AGMO: variants seen among roughly 807,000 people sequenced by gnomAD.
AGMO encodes alkylglycerol monooxygenase, also known as glyceryl-ether monooxygenase.
In AGMO, 75 loss-of-function variants were observed where a neutral mutation model predicts 60.2. The ratio of observed to expected loss-of-function variants is 1.25; its 90% CI spans 1.03 to 1.51. The LOEUF (loss-of-function observed/expected upper bound fraction) is 1.51. AGMO is among the 40% of genes most tolerant of loss of function. The pLI is 0.00. For synonymous variants in AGMO, 261 were observed against 177.1 expected (o/e 1.47, Z -3.76); for missense variants, 763 against 525.5 (o/e 1.45, Z -4.42).
intron 3 of AGMO, among the ~76,000 whole-genome samples, chr7:15,542,809 C>A (rs1784667182): frequency 6.6e-6 from 1 of 152,042 alleles, no homozygotes; most frequent in South Asian, 2.1e-4. Flanking sequence ...AGGAACTGAC[C>A]TATTATGTGT....
intron 12 of AGMO, among the ~76,000 whole-genome samples, chr7:15,280,857 A>T (rs1783943965): frequency 6.6e-6 from 1 of 152,304 alleles, no homozygotes; most frequent in South Asian, 2.1e-4. Context: ...CCAACACACT[A>T]TGGCTATTTA....
At chr7:15,537,385 G>C (rs1784508812) in intron 3 of AGMO, among the ~76,000 whole-genome samples, 1 of 152,068 alleles carries the variant, frequency 6.6e-6, no homozygotes, top group Admixed American at 6.6e-5. Flanking sequence ...TGCAATGTAA[G>C]AGTTAAATAC....
chr7:15,420,436 T>C (rs916932584), intron 4 of AGMO, among the ~76,000 whole-genome samples: 2 of 152,040 alleles, frequency 1.3e-5, no homozygotes, highest in African/African-American at 4.8e-5. Context: ...AAAAATAAGC[T>C]CACTATGAAT....
chr7:15,292,205 C>G (rs1314620501), intron 12 of AGMO, among the ~76,000 whole-genome samples: 1 of 152,106 alleles, frequency 6.6e-6, no homozygotes, highest in Non-Finnish European at 1.5e-5. Context: ...GATTCTTCAT[C>G]TTGGCTAAAC....
chr7:15,290,928 A>C (rs963020360), intron 12 of AGMO, among the ~76,000 whole-genome samples: 36 of 152,318 alleles, frequency 2.4e-4, no homozygotes, highest in African/African-American at 7.2e-4. Context: ...TTAAGAAAAG[A>C]AAAGCTAGAA....
rs903237451 is a variant in AGMO at position 15,560,190 on chromosome 7, C to T, written c.208G>A (p.Asp70Asn). The change falls in exon 2 of 13, where the codon GAT becomes AAT. Residue 70 changes from aspartate to asparagine, a missense_variant. By Grantham distance (23) the Asp-to-Asn change is conservative (BLOSUM62 1). Transcript: ENST00000342526. ...GCTGAGATTGACGTTAAAGCATCAT[C>T]CAGGCGACCTGGTGGCTTTCCTTTG... ...ILKGKPPGRL[D>N]DALTSISAGV... is the part of the protein sequence containing the mutation. 2.5e-6 allele frequency: 4 copies of T among 1,613,070 alleles called. No homozygotes were observed. In the Admixed American group the frequency reaches 5.0e-5, roughly 20 times the overall value.
At chr7:15,546,843 G>C (rs998733414) in intron 2 of AGMO, among the ~76,000 whole-genome samples, 5 of 152,148 alleles carry the variant, frequency 3.3e-5, no homozygotes, top group African/African-American at 1.2e-4. Flanking sequence ...GTTCAGATGA[G>C]GGCTTCACAA....
chr7:15,555,270 C>CATAT lies in AGMO; in HGVS notation c.257+4867_257+4870dup, dbSNP rs375890408. Reference sequence around the variant, plus strand: ...TTACAAATAAATTAATGTATTGGATCATATATATATATATATATATATACA... The same window carrying CATAT: ...TTACAAATAAATTAATGTATTGGATCATATATATATATATATATATATATATACA... On this transcript the variant is annotated intron_variant, in intron 2 of 12. Coordinates refer to ENST00000342526, the MANE Select transcript of AGMO (RefSeq NM_001004320.2). Among the ~76,000 whole-genome samples, 308 of 113,900 alleles carry CATAT rather than the reference C, an allele frequency of 2.7e-3. 2 individuals are homozygous for CATAT. The highest frequency in any genetic ancestry group is 4.4e-3 in the African/African-American group (107 of 24,312). The allele number at this position is 113,900 out of a possible 152,430, so 74.7% of individuals were successfully genotyped here.
Position 15,365,559 on chromosome 7 carries a change from A to C in AGMO, c.1218T>G (p.Phe406Leu), listed in dbSNP as rs573758157. The C allele has an allele frequency of 6.2e-7, 1 of 1,612,984 alleles. No homozygotes were observed. The highest frequency in any genetic ancestry group is 2.2e-5 in the East Asian group (1 of 44,836). ...RCLMFLMLYR[F>L]GHLKPLVPSL... is the part of the protein sequence containing the mutation. ...AAGGGACAAGAGGCTTCAGGTGACC[A>C]AATCGGTACAGCATTAAGAACATCA... Residue 406 changes from phenylalanine (F) to leucine (L), a missense_variant, in exon 12 of 13, where the codon TTT becomes TTG. Coordinates refer to ENST00000342526, the MANE Select transcript of AGMO (RefSeq NM_001004320.2).
intron 9 of AGMO, 47 bp downstream of exon 9, chr7:15,387,359 A>T: frequency 6.3e-7 from 1 of 1,594,962 alleles, no homozygotes; most frequent in Non-Finnish European, 8.5e-7. Context: ...TAGACCTGAC[A>T]ATATGAGACA....
At chr7:15,437,755 T>C (rs981054487) in intron 3 of AGMO, among the ~76,000 whole-genome samples, 1 of 152,132 alleles carries the variant, frequency 6.6e-6, no homozygotes, top group African/African-American at 2.4e-5. Flanking sequence ...TTAGCCAGGA[T>C]GGTCTTGATC....
the AGMO span, among the ~76,000 whole-genome samples, chr7:15,185,283 T>C: frequency 6.6e-6 from 1 of 152,144 alleles, no homozygotes; most frequent in Non-Finnish European, 1.5e-5. Flanking sequence ...CTAAAAGATA[T>C]AATATATTTG....
At chr7:15,497,058 T>TAGA (rs1562537152) in intron 3 of AGMO, among the ~76,000 whole-genome samples, 1 of 152,114 alleles carries the variant, frequency 6.6e-6, no homozygotes, top group East Asian at 1.9e-4. Flanking sequence ...AGGTGTGCCA[T>TAGA]AGAAGAAGAA....
the AGMO span, among the ~76,000 whole-genome samples, chr7:15,192,715 G>GCTA: frequency 6.6e-6 from 1 of 152,066 alleles, no homozygotes; most frequent in African/African-American, 2.4e-5. Flanking sequence ...ACCCTTAGAC[G>GCTA]CTACTGTGGT....
the AGMO span, among the ~76,000 whole-genome samples, chr7:15,155,419 C>CTTTTTTTTTTTTT: frequency 1.1e-4 from 7 of 63,912 alleles, no homozygotes; most frequent in Admixed American, 2.5e-4. Context: ...TACAGAATTT[C>CTTTTTTTTTTTTT]TTTTTTTTTT....
At chr7:15,310,569 CTAAT>C (rs568663910) in intron 12 of AGMO, among the ~76,000 whole-genome samples, 34 of 152,162 alleles carry the variant, frequency 2.2e-4, no homozygotes, top group Non-Finnish European at 4.6e-4. Flanking sequence ...AATAATGTGT[CTAAT>C]TAGAAATTTG....
At chr7:15,387,259 T>A in intron 9 of AGMO, 147 bp downstream of exon 9, 1 of 872,776 alleles carries the variant, frequency 1.1e-6, no homozygotes, top group Non-Finnish European at 1.7e-6. Flanking sequence ...GGATACTCAT[T>A]AAGTAAGTTA....
chr7:15,252,990 G>C (rs1489175427), intron 12 of AGMO, among the ~76,000 whole-genome samples: 2 of 152,178 alleles, frequency 1.3e-5, no homozygotes, highest in African/African-American at 4.8e-5. Context: ...AGATTCAGTA[G>C]AAGTCATTGA....
At chr7:15,397,502 GC>G (rs1784440926) in intron 5 of AGMO, among the ~76,000 whole-genome samples, 2 of 152,118 alleles carry the variant, frequency 1.3e-5, no homozygotes, top group Admixed American at 6.5e-5. Context: ...CAGAGCTGAC[GC>G]CCAGGCCAAG....
Sources: gnomAD v4.1 joint callset for allele counts (sites outside exome capture counted in the v4.1 genomes callset) on GRCh38, gnomAD v4.1.1 for gene constraint, MANE v1.5 for transcripts, NCBI Gene and HGNC (gene_info 2026-07-23, HGNC 2026-07-21) for gene names.